VPS26C: variants seen among roughly 807,000 people sequenced by gnomAD.
The protein encoded by VPS26C is VPS26 endosomal protein sorting factor C.
A neutral mutation model predicts 30.6 loss-of-function variants in VPS26C; 19 were observed. That is an observed-to-expected ratio of 0.62 (90% confidence interval 0.43 to 0.91). VPS26C has a LOEUF of 0.91. Ranked by LOEUF, VPS26C falls within the 40% of genes least tolerant of loss-of-function variation. The pLI is 0.00. For missense variants in VPS26C, 318 were observed against 385.1 expected (o/e 0.83, Z 1.46); for synonymous variants, 132 against 151.5 (o/e 0.87, Z 0.95).
intron 5 of VPS26C, 42 bp from the exon 6 acceptor site, chr21:37,228,415 G>A (rs771117967): frequency 8.7e-6 from 14 of 1,606,008 alleles, no homozygotes; most frequent in African/African-American, 1.3e-5. Flanking sequence ...TGCAGGCAAG[G>A]GGGGAAAGTG....
intron 1 of VPS26C, among the ~76,000 whole-genome samples, chr21:37,256,289 T>A (rs1411963225): frequency 6.6e-6 from 1 of 152,188 alleles, no homozygotes; most frequent in Non-Finnish European, 1.5e-5. Context: ...CCACTGGCCG[T>A]AGGCCTGTGA....
At chr21:37,254,872 G>A (rs914346453) in intron 1 of VPS26C, among the ~76,000 whole-genome samples, 4 of 152,034 alleles carry the variant, frequency 2.6e-5, no homozygotes, top group South Asian at 4.1e-4. Context: ...GGTAGATCAC[G>A]TGTTAATTAA....
chr21:37,253,466 A>T (rs2086214128), intron 1 of VPS26C, among the ~76,000 whole-genome samples: 1 of 152,244 alleles, frequency 6.6e-6, no homozygotes. Flanking sequence ...ACTGTCCAAT[A>T]GTGTGATGTG....
intron 3 of VPS26C, among the ~76,000 whole-genome samples, chr21:37,235,442 A>T (rs1411893523): frequency 1.3e-5 from 2 of 152,198 alleles, no homozygotes; most frequent in Admixed American, 6.5e-5. Context: ...CCCTGTCCAT[A>T]GTTTTAAAGT....
At position 37,234,865 on chromosome 21, in the gene VPS26C, C is replaced by A. The variant is rs564928834; in HGVS notation, c.352-1423G>T. Among the ~76,000 whole-genome samples, 3 of 151,958 alleles carry A rather than the reference C, an allele frequency of 2.0e-5. No homozygotes were observed. In the East Asian group the frequency reaches 5.8e-4, roughly 29 times the overall value. ...TATATTCTTTTTTTGTTTTTTAATA[C>A]GGAGTCTCACTCTGTCACCCAGGCT... On this transcript the variant is annotated intron_variant, in intron 3 of 7. Coordinates refer to ENST00000309117, the MANE Select transcript of VPS26C (RefSeq NM_006052.2).
Position 37,233,749 on chromosome 21 carries a change from A to T in VPS26C, c.352-307T>A, listed in dbSNP as rs1316393673. ...ACCTGTAGCAGGGAGCAGGCTGGCG[A>T]GACAGAAAGGGCAGTGCGCTCAGGA... On this transcript the variant is annotated intron_variant, in intron 3 of 7. Coordinates refer to ENST00000309117, the MANE Select transcript of VPS26C (RefSeq NM_006052.2). This position sits in a 1 kb window ranked among gnomAD's most constrained non-coding sequence, Gnocchi z 5.2. Among the ~76,000 whole-genome samples, 1 of 152,196 alleles carries T rather than the reference A, an allele frequency of 6.6e-6. No homozygotes were observed. The highest frequency in any genetic ancestry group is 2.4e-5 in the African/African-American group (1 of 41,448).
Position 37,233,342 on chromosome 21 carries a change from A to G in VPS26C, c.432+20T>C. 6.2e-7 allele frequency: 1 copy of G among 1,606,728 alleles called. No individual in the cohort carries two copies. Among genetic ancestry groups the G allele is most frequent in the South Asian group, 1.1e-5 (1 of 90,908 alleles). Reference sequence around the variant, plus strand: ...GGAGATTCCTATCATTAAGCACCAGAGTCCCCGAGTGAAGCTTACAGCGGA... The same window carrying G: ...GGAGATTCCTATCATTAAGCACCAGGGTCCCCGAGTGAAGCTTACAGCGGA... On this transcript the variant is annotated intron_variant, in intron 4 of 7. Transcript: ENST00000309117. The surrounding 1 kb of genome is among the most constrained non-coding windows in gnomAD (Gnocchi z 5.2).
chr21:37,256,668 CAG>C (rs1371987370), intron 1 of VPS26C, among the ~76,000 whole-genome samples: 1 of 152,184 alleles, frequency 6.6e-6, no homozygotes, highest in Non-Finnish European at 1.5e-5. Flanking sequence ...CTCTCTATTA[CAG>C]AGAGTAAAAA....
chr21:37,255,851 A>ATTTTTTGT (rs2086236996), intron 1 of VPS26C, among the ~76,000 whole-genome samples: 1 of 108,514 alleles, frequency 9.2e-6, no homozygotes, highest in Non-Finnish European at 1.7e-5. Flanking sequence ...TATGCACTGC[A>ATTTTTTGT]TTTTTTTTTT....
chr21:37,254,306 G>A (rs577007217), intron 1 of VPS26C, among the ~76,000 whole-genome samples: 19 of 152,328 alleles, frequency 1.2e-4, no homozygotes, highest in African/African-American at 4.6e-4. Flanking sequence ...AGCAGCAAAT[G>A]AGGCTAACAG....
At chr21:37,266,299 T>G (rs552087615) in intron 1 of VPS26C, among the ~76,000 whole-genome samples, 1 of 152,320 alleles carries the variant, frequency 6.6e-6, no homozygotes, top group South Asian at 2.1e-4. Context: ...TAGTTGTCTT[T>G]TGCCCAAAAG....
chr21:37,237,908 T>C (rs1255955887), intron 3 of VPS26C, among the ~76,000 whole-genome samples: 1 of 152,186 alleles, frequency 6.6e-6, no homozygotes, highest in Admixed American at 6.5e-5. Context: ...TTCTGCTGCA[T>C]AAAGGAAAGG....
chr21:37,227,992 C>T (rs943256270), intron 6 of VPS26C, among the ~76,000 whole-genome samples, 186 bp from the exon 7 acceptor site: 2 of 152,242 alleles, frequency 1.3e-5, no homozygotes, highest in Admixed American at 6.5e-5. Flanking sequence ...GACGTCCTCT[C>T]GTTTTTTAGA....
chr21:37,227,958 C>T, intron 6 of VPS26C, 152 bp from the exon 7 acceptor site: 2 of 1,126,680 alleles, frequency 1.8e-6, no homozygotes, highest in South Asian at 1.5e-5. Flanking sequence ...TAAGGCACAG[C>T]CACGCTCTTA....
At chr21:37,267,700 C>T, upstream of VPS26C, 1 of 267,592 alleles carries the variant, frequency 3.7e-6, no homozygotes, top group Non-Finnish European at 7.3e-6. Context: ...CTGTCGGTTG[C>T]AGCCTGCGCA....
chr21:37,258,662 G>C (rs1048604485), intron 1 of VPS26C, among the ~76,000 whole-genome samples: 1 of 152,200 alleles, frequency 6.6e-6, no homozygotes, highest in African/African-American at 2.4e-5. Context: ...TAACGGAGGC[G>C]AGTCTGCACC....
rs1197951628 is a variant in VPS26C, at chr21:37,233,581, CATAAT to C, written c.352-144_352-140del. On this transcript the variant is annotated intron_variant, in intron 3 of 7. Transcript: ENST00000309117. This position sits in a 1 kb window ranked among gnomAD's most constrained non-coding sequence, Gnocchi z 5.2. Reference sequence around the variant, plus strand: ...CAGTGCATTATAGAAAATTAACATACATAATATAATACATAATAGGATAGTTAATG... The same window carrying C: ...CAGTGCATTATAGAAAATTAACATACATAATACATAATAGGATAGTTAATG... 6 of 630,574 alleles carry C rather than the reference CATAAT, an allele frequency of 9.5e-6. No individual in the cohort carries two copies. Among genetic ancestry groups the C allele is most frequent in the Admixed American group, 7.7e-5 (3 of 38,980 alleles). The allele number at this position is 630,574 out of a possible 1,614,324, so 39.1% of individuals were successfully genotyped here.
chr21:37,240,393 G>A, intron 2 of VPS26C, 103 bp downstream of exon 2: 1 of 1,343,246 alleles, frequency 7.4e-7, no homozygotes, highest in Non-Finnish European at 1.0e-6. Context: ...CCAAATTACT[G>A]AGATTACAGG....
At chr21:37,237,011 G>A (rs1291933474) in intron 3 of VPS26C, among the ~76,000 whole-genome samples, 1 of 152,128 alleles carries the variant, frequency 6.6e-6, no homozygotes, top group Non-Finnish European at 1.5e-5. Flanking sequence ...GAACTCCTGG[G>A]TTCAAGCAAT....
Sources: allele counts gnomAD v4.1 joint callset (sites outside exome capture counted in the v4.1 genomes callset), GRCh38; gene constraint gnomAD v4.1.1; non-coding constraint Gnocchi (gnomAD v3.1); transcripts MANE v1.5; gene names NCBI Gene and HGNC (gene_info 2026-07-23, HGNC 2026-07-21).